ALDH18A1: variants seen among roughly 807,000 people sequenced by gnomAD.
ALDH18A1 encodes aldehyde dehydrogenase 18 family member A1, also known as delta-1-pyrroline-5-carboxylate synthase.
ALDH18A1 carries 44 observed loss-of-function variants against 88.8 expected under a neutral mutation model. The observed-to-expected ratio is 0.50, with a 90% CI of 0.39 to 0.64. The LOEUF is 0.64. Ranked by LOEUF, ALDH18A1 falls within the 30% of genes least tolerant of loss-of-function variation. The pLI, the probability that ALDH18A1 is intolerant of heterozygous loss-of-function variation, is 0.00. For synonymous variants in ALDH18A1, 331 were observed against 372.1 expected (o/e 0.89, Z 1.27); for missense variants, 782 against 1,009.5 (o/e 0.77, Z 3.05).
chr10:95,627,128 A>G (rs1036825209), intron 9 of ALDH18A1, among the ~76,000 whole-genome samples: 3 of 152,154 alleles, frequency 2.0e-5, no homozygotes, highest in Non-Finnish European at 4.4e-5. Flanking sequence ...AACACTCGAG[A>G]GCACATACTG....
intron 11 of ALDH18A1, among the ~76,000 whole-genome samples, chr10:95,624,890 A>G (rs1367926764): frequency 6.6e-6 from 1 of 152,172 alleles, no homozygotes; most frequent in Non-Finnish European, 1.5e-5. Context: ...GACCATGTGG[A>G]TTTGGGCAAG....
rs2097895266 is a variant in ALDH18A1, at chr10:95,643,201, T to A, written c.94A>T (p.Ile32Phe). 3 of 1,614,016 alleles carry A rather than the reference T, an allele frequency of 1.9e-6. No homozygotes were observed. Residue 32 changes from isoleucine (I) to phenylalanine (F), a missense_variant, in exon 3 of 18, where the codon ATC becomes TTC. By Grantham distance (21) the Ile-to-Phe change is conservative. Coordinates refer to ENST00000371224, the MANE Select transcript of ALDH18A1 (RefSeq NM_002860.4). ...KCTTVFRSHC[I>F]QPSVIRHVRS... ...ACATGTCTGATGACTGAAGGCTGGA[T>A]ACAATCTGTAGCCATCAAAGTCAAA...
At chr10:95,637,257 C>T (rs1323500375) in intron 4 of ALDH18A1, 30 bp downstream of exon 4, 1 of 1,614,174 alleles carries the variant, frequency 6.2e-7, no homozygotes, top group African/African-American at 1.3e-5. Flanking sequence ...CCTGAAGATC[C>T]ATTTCAATGT....
chr10:95,635,957 AAG>A (rs1386997496), intron 5 of ALDH18A1, among the ~76,000 whole-genome samples: 1 of 134,750 alleles, frequency 7.4e-6, no homozygotes, highest in African/African-American at 2.7e-5. Context: ...AATAATAAAG[AAG>A]AGTGATATAA....
At chr10:95,632,846 G>T in intron 7 of ALDH18A1, 113 bp downstream of exon 7, 2 of 915,274 alleles carry the variant, frequency 2.2e-6, no homozygotes, top group Non-Finnish European at 1.8e-6. Context: ...TATGGCTAAT[G>T]ATCTATAGCA....
In ALDH18A1 at chr10:95,628,368, C is replaced by G; in HGVS notation, c.933G>C (p.Lys311Asn). Reference sequence around the variant, plus strand: ...GGCAGTTAAGGCACCAGATTCTTACCTTGGCTTCCATGCCACCCATTCCCA... The same window carrying G: ...GGCAGTTAAGGCACCAGATTCTTACGTTGGCTTCCATGCCACCCATTCCCA... ...SRVGMGGMEA[K>N]VKAALWALQG... Residue 311 changes from lysine to asparagine, a missense_variant and splice_region_variant, in exon 8 of 18, where the codon AAG becomes AAC. Transcript: ENST00000371224. 1 of 1,614,124 alleles carries G rather than the reference C, an allele frequency of 6.2e-7. No homozygotes were observed. Among genetic ancestry groups the G allele is most frequent in the African/African-American group, 1.3e-5 (1 of 75,044 alleles).
chr10:95,642,980 C>T lies in ALDH18A1; in HGVS notation c.303+12G>A, dbSNP rs757370729. The T allele has an allele frequency of 6.8e-6, 11 of 1,612,790 alleles. No homozygotes were observed. The Admixed American group carries it at 1.8e-4, about 27-fold the overall frequency. ...AATTTTAGTACAGCATAATTTCTAT[C>T]TTGGCAATCACCTGCTCAACAATAG... On this transcript the variant is annotated intron_variant, in intron 3 of 17. Coordinates refer to ENST00000371224, the MANE Select transcript of ALDH18A1 (RefSeq NM_002860.4).
In ALDH18A1 at chr10:95,653,337, T is replaced by A; in HGVS notation, c.41A>T (p.Asn14Ile). 6.2e-7 allele frequency: 1 copy of A among 1,612,886 alleles called. No individual in the cohort carries two copies. Among genetic ancestry groups the A allele is most frequent in the Non-Finnish European group, 8.5e-7 (1 of 1,179,868 alleles). Reference protein sequence around the residue: ...QVYRCGFQPFNQHLLPWVKCT... With the variant: ...QVYRCGFQPFIQHLLPWVKCT... ...CTTGACCCAGGGCAGAAGATGTTGG[T>A]TGAAGGGCTGGAACCCACAGCGGTA... Residue 14 changes from asparagine to isoleucine, a missense_variant, in exon 2 of 18, where the codon AAC (asparagine) becomes ATC (isoleucine). Asn to Ile is a moderately radical substitution (Grantham distance 149, BLOSUM62 -3). Around this residue, in one of 3 missense-constraint regions of ALDH18A1, gnomAD observed 94 missense variants for 99.5 expected, o/e 0.94. Transcript: ENST00000371224.
At chr10:95,633,799 G>A in intron 5 of ALDH18A1, 150 bp from the exon 6 acceptor site, 2 of 632,244 alleles carry the variant, frequency 3.2e-6, no homozygotes, top group South Asian at 4.0e-5. Flanking sequence ...ACATATCTGG[G>A]TGCTATCCAA....
intron 2 of ALDH18A1, among the ~76,000 whole-genome samples, chr10:95,651,407 A>C (rs2097910201): frequency 6.6e-6 from 1 of 150,498 alleles, no homozygotes; most frequent in Admixed American, 6.6e-5. Flanking sequence ...AGACAGTTTG[A>C]CAGTTTCTTA....
intron 15 of ALDH18A1, among the ~76,000 whole-genome samples, chr10:95,612,631 C>G (rs986435916): frequency 6.6e-6 from 1 of 152,220 alleles, no homozygotes; most frequent in African/African-American, 2.4e-5. Context: ...GAAGTACACA[C>G]AGTGACTCAT....
chr10:95,645,535 G>GCGACTATGGGTTC lies in ALDH18A1; in HGVS notation c.89-2342_89-2330dup, dbSNP rs2097899900. ...GGACCTTATTCTCATGAATGGGAAG[G>GCGACTATGGGTTC]CGACTATGGGTTCTCCTCCCTTCCT... On this transcript the variant is annotated intron_variant, in intron 2 of 17. Coordinates refer to ENST00000371224, the MANE Select transcript of ALDH18A1 (RefSeq NM_002860.4). 2.0e-5 allele frequency among the ~76,000 whole-genome samples: 3 copies of GCGACTATGGGTTC among 152,262 alleles called. No individual in the cohort carries two copies. In the South Asian group the frequency reaches 6.2e-4, roughly 32 times the overall value.
intron 6 of ALDH18A1, 24 bp from the exon 7 acceptor site, chr10:95,633,073 T>A (rs763960257): frequency 5.0e-6 from 8 of 1,587,292 alleles, no homozygotes; most frequent in Non-Finnish European, 6.1e-6. Context: ...TAAAAAGTCA[T>A]AAGTGAGTGA....
In ALDH18A1 at chr10:95,614,270, G is replaced by A. The variant is rs933554961; in HGVS notation, c.1606-109C>T. 7.6e-6 allele frequency: 9 copies of A among 1,176,598 alleles called. No homozygotes were observed. In the Admixed American group the frequency reaches 1.3e-4, roughly 17 times the overall value. 72.9% of individuals were successfully genotyped at this position (1,176,598 alleles called of 1,614,324 possible). A position where few individuals can be genotyped will look rare whatever the true frequency, so the allele number is the denominator to read the frequency against. On this transcript the variant is annotated intron_variant, in intron 13 of 17. Transcript: ENST00000371224. ...CATCTGTACACTCTGAGAACTAAGT[G>A]AGACACTGTGAAAACTTATTCTAAA...
At chr10:95,654,929 A>G (rs2097915537) in intron 1 of ALDH18A1, among the ~76,000 whole-genome samples, 1 of 152,040 alleles carries the variant, frequency 6.6e-6, no homozygotes, top group Non-Finnish European at 1.5e-5. Flanking sequence ...TTCCCCAGCA[A>G]GGCTAGTCTT....
intron 5 of ALDH18A1, among the ~76,000 whole-genome samples, chr10:95,636,282 G>C (rs1439731686): frequency 6.6e-6 from 1 of 152,058 alleles, no homozygotes; most frequent in Non-Finnish European, 1.5e-5. Flanking sequence ...TAAAATAACA[G>C]CTATTTTACA....
chr10:95,628,675 A>C, intron 7 of ALDH18A1, 183 bp from the exon 8 acceptor site: 1 of 654,844 alleles, frequency 1.5e-6, no homozygotes, highest in South Asian at 1.8e-5. Flanking sequence ...CTCCAGGAAG[A>C]CTCACCTTAC....
chr10:95,616,447 G>A, intron 13 of ALDH18A1, 30 bp downstream of exon 13: 2 of 1,554,552 alleles, frequency 1.3e-6, no homozygotes, highest in Non-Finnish European at 1.7e-6. Context: ...GCCCCTCTGG[G>A]CCTGACTTGG....
At chr10:95,611,120 CAA>C in intron 16 of ALDH18A1, 134 bp downstream of exon 16, 1 of 1,025,986 alleles carries the variant, frequency 9.7e-7, no homozygotes, top group Non-Finnish European at 1.5e-6. Context: ...ATCAAAGTAC[CAA>C]ATGCAACCAC....
Sources: gnomAD v4.1 joint callset for allele counts (sites outside exome capture counted in the v4.1 genomes callset) on GRCh38, gnomAD v4.1.1 for gene constraint, gnomAD v4.1.1 regional missense constraint, MANE v1.5 for transcripts, NCBI Gene and HGNC (gene_info 2026-07-23, HGNC 2026-07-21) for gene names.